PKNOX2: variants seen among roughly 807,000 people sequenced by gnomAD.
PKNOX2 encodes PBX/knotted 1 homeobox 2, also known as homeobox protein PKNOX2.
A neutral mutation model predicts 53.1 loss-of-function variants in PKNOX2; 14 were observed. The observed-to-expected ratio is 0.26, with a 90% confidence interval of 0.17 to 0.41. PKNOX2 has a LOEUF of 0.41. Ranked by LOEUF, PKNOX2 falls within the 10% of genes least tolerant of loss-of-function variation. The pLI is 1.00. For synonymous variants in PKNOX2, 257 were observed against 242.8 expected, an observed-to-expected ratio of 1.06 and a Z score of -0.54; for missense variants, 496 against 602.8, an observed-to-expected ratio of 0.82 and a Z score of 1.85.
At chr11:125,401,293 C>A (rs564219046) in intron 7 of PKNOX2, among the ~76,000 whole-genome samples, 1 of 152,164 alleles carries the variant, frequency 6.6e-6, no homozygotes, top group African/African-American at 2.4e-5. Context: ...GAAGGACAGA[C>A]GGAGAGAGGA....
At chr11:125,358,908 C>T (rs1951766076) in intron 4 of PKNOX2, among the ~76,000 whole-genome samples, 2 of 152,304 alleles carry the variant, frequency 1.3e-5, no homozygotes, top group African/African-American at 4.8e-5. Context: ...AGGCAAAGGG[C>T]CTGGTGTTGC....
intron 7 of PKNOX2, among the ~76,000 whole-genome samples, chr11:125,401,569 C>G (rs1212827582): frequency 6.6e-6 from 1 of 152,150 alleles, no homozygotes; most frequent in Admixed American, 6.5e-5. Flanking sequence ...CACTTGCACA[C>G]TCACACGTCT....
At position 125,194,122 on chromosome 11, in the gene PKNOX2, C is replaced by T. The variant is rs140232791; in HGVS notation, c.-201+29346C>T. Among the ~76,000 whole-genome samples the T allele has an allele frequency of 1.8e-3, 268 of 152,288 alleles. 2 individuals are homozygous for T. Among genetic ancestry groups the T allele is most frequent in the African/African-American group, 4.5e-3 (188 of 41,554 alleles). ...AAAGTCAAACCTAGATGCCTTTGTG[C>T]GAGCCCTTCCTCCCTGGTCTCTGCT... On this transcript the variant is annotated intron_variant, in intron 1 of 12. Transcript: ENST00000298282.
chr11:125,310,774 G>A (rs1243731443), intron 2 of PKNOX2, among the ~76,000 whole-genome samples: 1 of 151,976 alleles, frequency 6.6e-6, no homozygotes, highest in Non-Finnish European at 1.5e-5. Flanking sequence ...AAAGCTATGA[G>A]ATGCTAGTTT....
chr11:125,342,244 CA>C (rs1215286742), intron 3 of PKNOX2, among the ~76,000 whole-genome samples: 2 of 151,944 alleles, frequency 1.3e-5, no homozygotes, highest in African/African-American at 4.8e-5. Context: ...GTACAGTCCT[CA>C]GAGAGAAAAG....
chr11:125,389,856 C>T (rs1001319173), intron 6 of PKNOX2, among the ~76,000 whole-genome samples: 6 of 152,146 alleles, frequency 3.9e-5, no homozygotes, highest in South Asian at 2.1e-4. Context: ...TGGTGTGGCT[C>T]GAGGGACAGA....
chr11:125,405,269 C>T (rs1955017077), intron 7 of PKNOX2, among the ~76,000 whole-genome samples: 1 of 152,150 alleles, frequency 6.6e-6, no homozygotes, highest in Non-Finnish European at 1.5e-5. Context: ...TATTTCAAAA[C>T]AGCTTAAACA....
intron 7 of PKNOX2, among the ~76,000 whole-genome samples, chr11:125,404,648 C>A (rs941412743): frequency 3.9e-5 from 6 of 151,942 alleles, no homozygotes; most frequent in African/African-American, 1.5e-4. Flanking sequence ...ACACACACAC[C>A]ACCACACACA....
intron 1 of PKNOX2, among the ~76,000 whole-genome samples, chr11:125,218,246 G>A (rs529296861): frequency 4.6e-5 from 7 of 152,184 alleles, no homozygotes; most frequent in African/African-American, 1.7e-4. Context: ...GCTGGCCCCC[G>A]AGCTAAGTAC....
chr11:125,164,813 T>C (rs1390410897), intron 1 of PKNOX2, 37 bp downstream of exon 1: 2 of 179,852 alleles, frequency 1.1e-5, no homozygotes, highest in East Asian at 1.7e-4. Context: ...GAGACGCTTT[T>C]GCAGGCGGCG....
intron 5 of PKNOX2, among the ~76,000 whole-genome samples, chr11:125,375,436 C>T (rs1248361747): frequency 6.6e-6 from 1 of 152,184 alleles, no homozygotes. Context: ...AGTTCAGTAA[C>T]TGCTCACAAG....
At chr11:125,279,538 C>T (rs1450155221) in intron 2 of PKNOX2, among the ~76,000 whole-genome samples, 1 of 152,232 alleles carries the variant, frequency 6.6e-6, no homozygotes, top group Non-Finnish European at 1.5e-5. Flanking sequence ...GTATGCCTCA[C>T]CTTGCCATTC....
Position 125,367,972 on chromosome 11 carries a change from C to A in PKNOX2, c.214C>A (p.Arg72=). 3 of 1,613,160 alleles carry A rather than the reference C, an allele frequency of 1.9e-6. No homozygotes were observed. The highest frequency in any genetic ancestry group is 1.7e-6 in the Non-Finnish European group (2 of 1,179,576). Residue 72 remains arginine (R), a synonymous_variant, in exon 5 of 13, where the codon CGA becomes AGA. Coordinates refer to ENST00000298282, the MANE Select transcript of PKNOX2 (RefSeq NM_001382323.2). The stretch of plus-strand genomic sequence containing the variant: ...CCAGGCCCAGCTGGAGGCTGACAAG[C>A]GAGCTGTATACAGGTAGGAGACACT... ...DPQAQLEADK[R]AVYRHPLFPL...
chr11:125,415,576 G>A (rs576959580), intron 10 of PKNOX2, among the ~76,000 whole-genome samples: 2 of 152,058 alleles, frequency 1.3e-5, no homozygotes, highest in Non-Finnish European at 2.9e-5. Context: ...GGTAAGGTTC[G>A]AAGCTTCTCC....
chr11:125,210,581 G>A (rs994316968), intron 1 of PKNOX2, among the ~76,000 whole-genome samples: 11 of 152,114 alleles, frequency 7.2e-5, no homozygotes, highest in Admixed American at 2.0e-4. Context: ...GTGGTCTTTG[G>A]TTCAGAGTTT....
At chr11:125,342,009 A>G (rs1401562666) in intron 3 of PKNOX2, among the ~76,000 whole-genome samples, 2 of 152,172 alleles carry the variant, frequency 1.3e-5, no homozygotes, top group African/African-American at 4.8e-5. Flanking sequence ...CATGGGCTCT[A>G]TTTAGAGCTC....
Position 125,317,209 on chromosome 11 carries a change from G to A in PKNOX2, c.-129-14610G>A, listed in dbSNP as rs79834639. ...TCTTGCTATTTCCACCACACCTGCA[G>A]CTATTCCTCCCACTGAAATCTTGAA... On this transcript the variant is annotated intron_variant, in intron 2 of 12. Coordinates refer to ENST00000298282, the MANE Select transcript of PKNOX2 (RefSeq NM_001382323.2). Among the ~76,000 whole-genome samples, 720 of 152,260 alleles carry A rather than the reference G, an allele frequency of 4.7e-3. 6 individuals are homozygous for A. Among genetic ancestry groups the A allele is most frequent in the African/African-American group, 0.015 (616 of 41,570 alleles).
intron 6 of PKNOX2, among the ~76,000 whole-genome samples, chr11:125,389,262 G>A (rs1953870679): frequency 6.6e-6 from 1 of 152,088 alleles, no homozygotes; most frequent in African/African-American, 2.4e-5. Context: ...TTATAGCCTG[G>A]GATATAAGTT....
At chr11:125,281,531 G>A (rs755289543) in intron 2 of PKNOX2, among the ~76,000 whole-genome samples, 4 of 152,194 alleles carry the variant, frequency 2.6e-5, no homozygotes, top group East Asian at 3.9e-4. Context: ...TTTATCAAAT[G>A]GGGATAATAA....
Sources: gnomAD v4.1 joint callset for allele counts (sites outside exome capture counted in the v4.1 genomes callset) on GRCh38, gnomAD v4.1.1 for gene constraint, MANE v1.5 for transcripts, NCBI Gene and HGNC (gene_info 2026-07-23, HGNC 2026-07-21) for gene names.